Variants in APP observed in about 807,000 individuals in gnomAD.
APP encodes amyloid-beta precursor protein.
Under a neutral mutation model 101.4 loss-of-function variants are expected in APP, and 31 were observed. That is an observed-to-expected ratio of 0.31 (90% CI 0.23 to 0.41). The LOEUF (loss-of-function observed/expected upper bound fraction) is 0.41, where lower values mean the gene tolerates loss of function less well. Among genes scored for constraint, APP ranks in the 10% least tolerant of loss-of-function variants. APP has a pLI of 1.00. For missense variants in APP, 839 were observed against 1,003.7 expected (o/e 0.84, Z 2.22); for synonymous variants, 366 against 364.4 (o/e 1.00, Z -0.05).
At chr21:26,128,755 A>G (rs1206921040) in intron 1 of APP, among the ~76,000 whole-genome samples, 1 of 152,210 alleles carries the variant, frequency 6.6e-6, no homozygotes, top group Admixed American at 6.5e-5. Flanking sequence ...AGTCAGTTTA[A>G]CTTTTTTAAA....
chr21:25,882,885 T>TC (rs972380907), intron 17 of APP, among the ~76,000 whole-genome samples: 8 of 152,106 alleles, frequency 5.3e-5, no homozygotes, highest in Non-Finnish European at 1.0e-4. Context: ...GCAGGCCCAT[T>TC]CCCCCTTGTT....
At chr21:26,086,660 C>T (rs2061711740) in intron 3 of APP, among the ~76,000 whole-genome samples, 1 of 151,926 alleles carries the variant, frequency 6.6e-6, no homozygotes, top group Admixed American at 6.6e-5. Context: ...CTTTGTTAAG[C>T]AGGAATAATA....
intron 9 of APP, 111 bp from the exon 10 acceptor site, chr21:25,976,139 T>TA: frequency 9.1e-6 from 8 of 880,680 alleles, no homozygotes; most frequent in Non-Finnish European, 1.4e-5. Flanking sequence ...TTTAGATATT[T>TA]AAAAAATTTA....
At chr21:25,959,491 G>T (rs1231769411) in intron 11 of APP, among the ~76,000 whole-genome samples, 1 of 152,206 alleles carries the variant, frequency 6.6e-6, no homozygotes, top group Non-Finnish European at 1.5e-5. Flanking sequence ...GGTTAGAAAA[G>T]ACAGTCTGTT....
chr21:26,007,756 CG>C (rs2043601155), intron 6 of APP, among the ~76,000 whole-genome samples: 1 of 151,878 alleles, frequency 6.6e-6, no homozygotes. Flanking sequence ...TTTTTAAGAA[CG>C]TGATTTTCCC....
intron 3 of APP, among the ~76,000 whole-genome samples, chr21:26,077,612 A>AT (rs1351322064): frequency 2.0e-5 from 3 of 152,142 alleles, no homozygotes; most frequent in African/African-American, 7.2e-5. Flanking sequence ...CAGGTAATGC[A>AT]TCAATGCCAT....
At chr21:26,002,469 C>T (rs1027001515) in intron 6 of APP, among the ~76,000 whole-genome samples, 9 of 43,586 alleles carry the variant, frequency 2.1e-4, no homozygotes, top group African/African-American at 6.7e-4. Flanking sequence ...CTTCACTTTG[C>T]TTTCCTTCTC....
intron 5 of APP, among the ~76,000 whole-genome samples, chr21:26,024,237 C>G (rs1264269142): frequency 6.6e-6 from 1 of 151,892 alleles, no homozygotes; most frequent in Non-Finnish European, 1.5e-5. Flanking sequence ...GGGGCAACTA[C>G]CACAGGTCTA....
chr21:25,922,866 T>C (rs879568091), intron 13 of APP, among the ~76,000 whole-genome samples: 242 of 91,470 alleles, frequency 2.6e-3, no homozygotes, highest in Middle Eastern at 0.019. Context: ...CTTCACAGAA[T>C]TGGAAAAAAC....
At chr21:25,935,391 G>GTTTAGTA (rs1233074935) in intron 13 of APP, 1 of 151,994 alleles carries the variant, frequency 6.6e-6, no homozygotes, top group Non-Finnish European at 1.5e-5. Flanking sequence ...TGGTATGAGT[G>GTTTAGTA]TTTAGTAGCA....
intron 1 of APP, among the ~76,000 whole-genome samples, chr21:26,129,332 G>A (rs1040145668): frequency 5.3e-5 from 8 of 152,124 alleles, no homozygotes; most frequent in Middle Eastern, 3.4e-3. Flanking sequence ...TTAGCCATGC[G>A]TGGTGGCAGC....
intron 2 of APP, among the ~76,000 whole-genome samples, chr21:26,102,151 C>T (rs1356326574): frequency 1.4e-5 from 2 of 141,848 alleles, no homozygotes; most frequent in African/African-American, 2.7e-5. Flanking sequence ...TGCAGCGGCG[C>T]GATCTCGGCT....
At position 25,948,379 on chromosome 21, in the gene APP, C is replaced by T. The variant is rs533342414; in HGVS notation, c.1687+6211G>A. Among the ~76,000 whole-genome samples, 722 of 152,062 alleles carry T rather than the reference C, an allele frequency of 4.7e-3. 4 individuals are homozygous for T. The highest frequency in any genetic ancestry group is 6.2e-3 in the Non-Finnish European group (423 of 67,970). ...TTTGAAATAACCATGCTGCATTTTT[C>T]CTGAAGAGTGGAACATTTTATCAAG... On this transcript the variant is annotated intron_variant, in intron 13 of 17. Coordinates refer to ENST00000346798, the MANE Select transcript of APP (RefSeq NM_000484.4).
intron 13 of APP, among the ~76,000 whole-genome samples, chr21:25,943,553 A>G (rs974571081): frequency 2.0e-5 from 3 of 151,498 alleles, no homozygotes; most frequent in African/African-American, 7.3e-5. Flanking sequence ...CCTAGGTTCA[A>G]TTCTCCAACC....
intron 13 of APP, among the ~76,000 whole-genome samples, chr21:25,929,718 G>A (rs922412435): frequency 1.3e-5 from 2 of 152,132 alleles, no homozygotes; most frequent in Non-Finnish European, 2.9e-5. Flanking sequence ...TGCTTTCAGT[G>A]AGGACCAGAA....
chr21:25,897,942 G>T (rs1387029896), intron 15 of APP: 4 of 473,390 alleles, frequency 8.4e-6, no homozygotes, highest in Non-Finnish European at 1.5e-5. Flanking sequence ...GAAAATGGGG[G>T]AAAAGCAGAA....
intron 3 of APP, among the ~76,000 whole-genome samples, chr21:26,054,620 GTTTTT>G (rs369608335): frequency 0.062 from 6,662 of 108,030 alleles, 185 homozygotes; most frequent in South Asian, 0.13. Context: ...TAGGCCAAAA[GTTTTT>G]TTTTTTTTTT....
At chr21:26,081,617 G>C (rs1208410851) in intron 3 of APP, among the ~76,000 whole-genome samples, 3 of 152,178 alleles carry the variant, frequency 2.0e-5, no homozygotes, top group Admixed American at 6.5e-5. Context: ...ATACGTGCAG[G>C]TCACAGGGGA....
intron 17 of APP, among the ~76,000 whole-genome samples, chr21:25,882,339 A>AACATATAC (rs2037044890): frequency 6.7e-6 from 1 of 150,258 alleles, no homozygotes; most frequent in Non-Finnish European, 1.5e-5. Flanking sequence ...TTAAAACAAT[A>AACATATAC]ACATATACCA....
Sources: allele counts gnomAD v4.1 joint callset (sites outside exome capture counted in the v4.1 genomes callset), GRCh38; gene constraint gnomAD v4.1.1; transcripts MANE v1.5; gene names NCBI Gene and HGNC (gene_info 2026-07-23, HGNC 2026-07-21).